SMC1B: variants seen among roughly 807,000 people sequenced by gnomAD.
SMC1B encodes the protein structural maintenance of chromosomes protein 1B.
A neutral mutation model predicts 157.9 loss-of-function variants in SMC1B; 60 were observed. The ratio of observed to expected loss-of-function variants is 0.38; its 90% CI spans 0.31 to 0.47. The LOEUF (loss-of-function observed/expected upper bound fraction) is 0.47, where lower values mean the gene tolerates loss of function less well. Among genes scored for constraint, SMC1B ranks in the 20% least tolerant of loss-of-function variants. The pLI is 0.99. For missense variants in SMC1B, 1,165 were observed against 1,426.2 expected, an observed-to-expected ratio of 0.82 and a Z score of 2.95; for synonymous variants, 445 against 483.0, an observed-to-expected ratio of 0.92 and a Z score of 1.03.
intron 12 of SMC1B, among the ~76,000 whole-genome samples, chr22:45,372,716 C>CTTTTTTTTTTTT (rs136574): frequency 8.1e-6 from 1 of 123,582 alleles, no homozygotes; most frequent in African/African-American, 3.3e-5. Context: ...GACTCCAGGT[C>CTTTTTTTTTTTT]TTTTTTTTTT....
At chr22:45,351,025 C>A (rs536743438) in intron 22 of SMC1B, among the ~76,000 whole-genome samples, 76 of 152,280 alleles carry the variant, frequency 5.0e-4, no homozygotes, top group African/African-American at 1.6e-3. Context: ...TCCACATGAC[C>A]TGCTCCATTT....
At position 45,359,258 on chromosome 22, in the gene SMC1B, T is replaced by C. The variant is rs540975260; in HGVS notation, c.2863-463A>G. Among the ~76,000 whole-genome samples the C allele has an allele frequency of 1.1e-4, 16 of 152,290 alleles. No homozygotes were observed. In the South Asian group the frequency reaches 2.9e-3, roughly 28 times the overall value. On this transcript the variant is annotated intron_variant, in intron 18 of 24. Coordinates refer to ENST00000357450, the MANE Select transcript of SMC1B (RefSeq NM_148674.5). ...CATCCCTGTGGATATCAAGGAATGA[T>C]TGTACTTCCAGCCAATCTAAAGTGT...
intron 20 of SMC1B, 117 bp from the exon 21 acceptor site, chr22:45,354,249 G>C (rs181693974): frequency 5.3e-6 from 4 of 761,744 alleles, no homozygotes; most frequent in East Asian, 6.0e-5. Flanking sequence ...TTGAGTAAAG[G>C]TACCTTCAAA....
Position 45,396,362 on chromosome 22 carries a change from C to G in SMC1B, c.1238G>C (p.Arg413Thr), listed in dbSNP as rs1416428849. ...CCAAGACACCTGAACTTCTCCATGC[C>G]TCCTCTTTTCAAATGCCAGTCTTTC... ...DEERLAFEKRRHGEVQGNLKQ... is the reference protein window; with the variant it reads ...DEERLAFEKRTHGEVQGNLKQ... The change falls in exon 7 of 25, where the codon AGG becomes ACG. Residue 413 changes from arginine to threonine, a missense_variant. Physicochemically the swap from Arg to Thr is moderately conservative, Grantham distance 71. Coordinates refer to ENST00000357450, the MANE Select transcript of SMC1B (RefSeq NM_148674.5). 6.2e-7 allele frequency: 1 copy of G among 1,612,504 alleles called. No individual in the cohort carries two copies. Among genetic ancestry groups the G allele is most frequent in the Middle Eastern group, 1.7e-4 (1 of 6,056 alleles).
chr22:45,379,445 C>T (rs1266796078), intron 12 of SMC1B, among the ~76,000 whole-genome samples: 1 of 152,042 alleles, frequency 6.6e-6, no homozygotes, highest in East Asian at 1.9e-4. Flanking sequence ...TTGTTTTATT[C>T]TTTTCACTCA....
chr22:45,364,665 T>C (rs1353548388), intron 15 of SMC1B, among the ~76,000 whole-genome samples: 1 of 152,182 alleles, frequency 6.6e-6, no homozygotes, highest in Non-Finnish European at 1.5e-5. Context: ...TTATTTGTGC[T>C]GCAGGAGGCA....
At chr22:45,408,148 C>T (rs747935930) in intron 2 of SMC1B, among the ~76,000 whole-genome samples, 5 of 151,984 alleles carry the variant, frequency 3.3e-5, no homozygotes, top group Non-Finnish European at 7.4e-5. Context: ...TTTTTTGAGA[C>T]GGAGTCTTGA....
chr22:45,358,605 A>C (rs1023394616), intron 19 of SMC1B, 92 bp downstream of exon 19: 24 of 796,146 alleles, frequency 3.0e-5, no homozygotes, highest in Non-Finnish European at 4.1e-5. Flanking sequence ...TTAAAAAAAA[A>C]CAAACTTAAT....
At chr22:45,409,648 T>C (rs1217424691) in intron 1 of SMC1B, among the ~76,000 whole-genome samples, 1 of 152,036 alleles carries the variant, frequency 6.6e-6, no homozygotes, top group Non-Finnish European at 1.5e-5. Flanking sequence ...GATCGAGGGC[T>C]AGATTAAAAT....
intron 10 of SMC1B, among the ~76,000 whole-genome samples, chr22:45,387,429 A>G (rs2087001368): frequency 6.6e-6 from 1 of 151,604 alleles, no homozygotes; most frequent in African/African-American, 2.4e-5. Context: ...CAGCCTAGGC[A>G]ACAGAGTGAG....
At chr22:45,357,241 C>G (rs1188433331) in intron 19 of SMC1B, among the ~76,000 whole-genome samples, 1 of 152,236 alleles carries the variant, frequency 6.6e-6, no homozygotes, top group Admixed American at 6.5e-5. Flanking sequence ...CCAAGAATAG[C>G]TGCACTCATG....
At chr22:45,411,125 C>T (rs1420514129) in intron 1 of SMC1B, among the ~76,000 whole-genome samples, 1 of 152,096 alleles carries the variant, frequency 6.6e-6, no homozygotes, top group Non-Finnish European at 1.5e-5. Context: ...ATTGTCCCTG[C>T]CTAATAAAGG....
At chr22:45,358,406 A>G (rs939866547) in intron 19 of SMC1B, among the ~76,000 whole-genome samples, 2 of 152,180 alleles carry the variant, frequency 1.3e-5, no homozygotes, top group Admixed American at 6.5e-5. Flanking sequence ...CTGAGCCATT[A>G]CTTTGTGGGA....
At chr22:45,386,760 AG>A in intron 11 of SMC1B, 106 bp downstream of exon 11, 1 of 991,552 alleles carries the variant, frequency 1.0e-6, no homozygotes. Flanking sequence ...TTTAGAAAAA[AG>A]AACACATAAA....
chr22:45,381,083 A>T (rs2086932242), intron 12 of SMC1B, among the ~76,000 whole-genome samples: 1 of 151,682 alleles, frequency 6.6e-6, no homozygotes, highest in Non-Finnish European at 1.5e-5. Flanking sequence ...GGCGTGAGCT[A>T]CCATGCCTGG....
intron 23 of SMC1B, among the ~76,000 whole-genome samples, chr22:45,348,560 C>T (rs2086574898): frequency 6.6e-6 from 1 of 152,150 alleles, no homozygotes; most frequent in Non-Finnish European, 1.5e-5. Flanking sequence ...TGGTGAGAAA[C>T]CTGTTATGCC....
chr22:45,365,811 A>G (rs577969966), intron 15 of SMC1B, among the ~76,000 whole-genome samples: 40 of 152,342 alleles, frequency 2.6e-4, no homozygotes, highest in African/African-American at 9.6e-4. Flanking sequence ...AATAAACCCT[A>G]TAATTATCTA....
intron 9 of SMC1B, among the ~76,000 whole-genome samples, chr22:45,392,474 T>A (rs1297244688): frequency 9.4e-6 from 1 of 106,166 alleles, no homozygotes; most frequent in Non-Finnish European, 1.7e-5. Flanking sequence ...ATTTTTTTTT[T>A]AACTAGTTGT....
intron 15 of SMC1B, among the ~76,000 whole-genome samples, chr22:45,363,229 G>A (rs1207968236): frequency 6.6e-6 from 1 of 151,982 alleles, no homozygotes; most frequent in African/African-American, 2.4e-5. Flanking sequence ...TCCCACCACT[G>A]GCTTATTTGA....
Sources: gnomAD v4.1 joint callset for allele counts (sites outside exome capture counted in the v4.1 genomes callset) on GRCh38, gnomAD v4.1.1 for gene constraint, MANE v1.5 for transcripts, NCBI Gene and HGNC (gene_info 2026-07-23, HGNC 2026-07-21) for gene names.